PDZRN3: variants seen among roughly 807,000 people sequenced by gnomAD.
The protein encoded by PDZRN3 is PDZ domain containing ring finger 3, also known as E3 ubiquitin-protein ligase PDZRN3.
PDZRN3 carries 38 observed loss-of-function variants against 85.7 expected under a neutral mutation model. That is an observed-to-expected ratio of 0.44 (90% CI 0.34 to 0.58). The LOEUF (loss-of-function observed/expected upper bound fraction) is 0.58. Among genes scored for constraint, PDZRN3 ranks in the 20% least tolerant of loss-of-function variants. PDZRN3 has a pLI of 0.01. For missense variants in PDZRN3, 1,629 were observed against 1,506.4 expected (o/e 1.08, Z -1.35); for synonymous variants, 759 against 638.0 (o/e 1.19, Z -2.86).
At chr3:73,493,956 G>C (rs1394778928) in intron 3 of PDZRN3, among the ~76,000 whole-genome samples, 1 of 152,246 alleles carries the variant, frequency 6.6e-6, no homozygotes, top group Non-Finnish European at 1.5e-5. Flanking sequence ...GTTTAGCACA[G>C]CTAAGTAAAT....
chr3:73,521,573 G>A (rs904485987), intron 3 of PDZRN3, among the ~76,000 whole-genome samples: 3 of 152,142 alleles, frequency 2.0e-5, no homozygotes, highest in South Asian at 4.1e-4. Context: ...CACTTCCAGA[G>A]GGCCTGAGAT....
intron 3 of PDZRN3, among the ~76,000 whole-genome samples, chr3:73,462,887 T>C (rs550552120): frequency 6.6e-6 from 1 of 152,326 alleles, no homozygotes; most frequent in South Asian, 2.1e-4. Flanking sequence ...GGAGGCTTAA[T>C]GGGACTAAGT....
intron 3 of PDZRN3, among the ~76,000 whole-genome samples, chr3:73,410,993 G>C (rs1328759661): frequency 6.6e-6 from 1 of 152,230 alleles, no homozygotes; most frequent in African/African-American, 2.4e-5. Context: ...GCAACAAGCT[G>C]TTTCTACAGC....
intron 3 of PDZRN3, among the ~76,000 whole-genome samples, chr3:73,463,953 A>T (rs78892491): frequency 0.02 from 3,090 of 152,104 alleles, 104 homozygotes; most frequent in African/African-American, 0.068. Context: ...TAAAAGTTTT[A>T]AAAAAAAGTG....
intron 3 of PDZRN3, among the ~76,000 whole-genome samples, chr3:73,520,708 A>G (rs370955786): frequency 1.3e-4 from 20 of 152,142 alleles, no homozygotes; most frequent in African/African-American, 4.6e-4. Flanking sequence ...ACAAGCACAC[A>G]CACACAGAAA....
chr3:73,459,119 G>A (rs1575668152), intron 3 of PDZRN3, among the ~76,000 whole-genome samples: 1 of 152,150 alleles, frequency 6.6e-6, no homozygotes, highest in South Asian at 2.1e-4. Flanking sequence ...CAGGGCGGCA[G>A]AAGAGAGAAT....
intron 3 of PDZRN3, among the ~76,000 whole-genome samples, chr3:73,562,789 AG>A (rs1382293189): frequency 6.6e-6 from 1 of 151,704 alleles, no homozygotes; most frequent in East Asian, 1.9e-4. Context: ...ATTTGGGGAA[AG>A]GGCAAGAGAA....
At chr3:73,408,588 A>AGG (rs60679218) in intron 3 of PDZRN3, among the ~76,000 whole-genome samples, 2,071 of 146,102 alleles carry the variant, frequency 0.014, 47 homozygotes, top group African/African-American at 0.04. Flanking sequence ...TTCTTGGAGG[A>AGG]GGGGGGGGGG....
intron 2 of PDZRN3, 81 bp from the exon 3 acceptor site, chr3:73,602,542 T>C: frequency 1.3e-6 from 1 of 741,722 alleles, no homozygotes; most frequent in Non-Finnish European, 2.4e-6. Context: ...CTTAAAACAG[T>C]AATTGACTCT....
chr3:73,468,586 C>A (rs1260945468), intron 3 of PDZRN3, among the ~76,000 whole-genome samples: 1 of 152,066 alleles, frequency 6.6e-6, no homozygotes, highest in African/African-American at 2.4e-5. Flanking sequence ...AAAAGTCAAA[C>A]CATGTTTTCC....
chr3:73,562,159 T>G (rs571318656), intron 3 of PDZRN3, among the ~76,000 whole-genome samples: 70 of 152,264 alleles, frequency 4.6e-4, no homozygotes, highest in Non-Finnish European at 8.1e-4. Flanking sequence ...AACTGATATC[T>G]CAGTATTCTC....
chr3:73,538,604 T>C (rs1188988506), intron 3 of PDZRN3, among the ~76,000 whole-genome samples: 1 of 152,258 alleles, frequency 6.6e-6, no homozygotes, highest in Non-Finnish European at 1.5e-5. Context: ...TTCTTGATGC[T>C]ACTCCTCATT....
At chr3:73,523,622 C>G (rs1704450460) in intron 3 of PDZRN3, among the ~76,000 whole-genome samples, 2 of 152,120 alleles carry the variant, frequency 1.3e-5, no homozygotes, top group African/African-American at 4.8e-5. Context: ...ATATTTACTA[C>G]AGCACTTCAA....
At chr3:73,528,290 G>A (rs896618372) in intron 3 of PDZRN3, among the ~76,000 whole-genome samples, 1 of 152,130 alleles carries the variant, frequency 6.6e-6, no homozygotes, top group Non-Finnish European at 1.5e-5. Context: ...TAACCTTACC[G>A]AAGGCCAGGG....
At chr3:73,539,680 C>T (rs895182944) in intron 3 of PDZRN3, among the ~76,000 whole-genome samples, 2 of 152,056 alleles carry the variant, frequency 1.3e-5, no homozygotes, top group Admixed American at 6.6e-5. Context: ...CGAGCAAGTC[C>T]GCATGAGACC....
At chr3:73,566,438 T>A (rs555352697) in intron 3 of PDZRN3, among the ~76,000 whole-genome samples, 8 of 152,300 alleles carry the variant, frequency 5.3e-5, no homozygotes, top group African/African-American at 1.9e-4. Context: ...AAATATGAAT[T>A]TATGTAAGGA....
Position 73,608,625 on chromosome 3 carries a change from G to A in PDZRN3, c.783C>T (p.Phe261=). 6.2e-7 allele frequency: 1 copy of A among 1,612,540 alleles called. No individual in the cohort carries two copies. The change falls in exon 2 of 10, where the codon TTC becomes TTT. Residue 261 remains phenylalanine (F), a synonymous_variant. Coordinates refer to ENST00000263666, the MANE Select transcript of PDZRN3 (RefSeq NM_015009.3). The stretch of plus-strand genomic sequence containing the variant: ...CACTCGGCCGGCCACCAATAATATT[G>A]AATCCCAGGGAGCCGGAGTCCCGAT... The part of the protein sequence containing the change: ...VLHRDSGSLG[F]NIIGGRPSVD...
At chr3:73,450,638 C>CA (rs35948653) in intron 3 of PDZRN3, among the ~76,000 whole-genome samples, 2 of 152,046 alleles carry the variant, frequency 1.3e-5, no homozygotes, top group African/African-American at 4.8e-5. Flanking sequence ...CCAAATTGAG[C>CA]AAAAAATGTG....
intron 3 of PDZRN3, among the ~76,000 whole-genome samples, chr3:73,489,682 C>T (rs1340852583): frequency 1.3e-5 from 2 of 148,300 alleles, no homozygotes; most frequent in African/African-American, 5.0e-5. Context: ...AAGCGATTCT[C>T]CTGCTTCAGC....
Sources: allele counts gnomAD v4.1 joint callset (sites outside exome capture counted in the v4.1 genomes callset), GRCh38; gene constraint gnomAD v4.1.1; transcripts MANE v1.5; gene names NCBI Gene and HGNC (gene_info 2026-07-23, HGNC 2026-07-21).